Variants in CEP128 observed in about 807,000 individuals in gnomAD.
The protein encoded by CEP128 is centrosomal protein 128.
In CEP128, 132 loss-of-function variants were observed where a neutral mutation model predicts 156.7. That is an observed-to-expected ratio of 0.84 (90% CI 0.73 to 0.97). CEP128 has a LOEUF of 0.97. Ranked by LOEUF, CEP128 falls within the 50% of genes least tolerant of loss-of-function variation. The pLI, the probability that CEP128 is intolerant of heterozygous loss-of-function variation, is 0.00. For missense variants in CEP128, 1,252 were observed against 1,281.9 expected (o/e 0.98, Z 0.36); for synonymous variants, 469 against 448.9 (o/e 1.04, Z -0.57).
chr14:80,502,815 G>A (rs1338938655), intron 24 of CEP128, among the ~76,000 whole-genome samples: 3 of 151,966 alleles, frequency 2.0e-5, no homozygotes, highest in Non-Finnish European at 4.4e-5. Context: ...TTTAAAGGGA[G>A]ATTAAAGAAA....
intron 13 of CEP128, 25 bp from the exon 14 acceptor site, chr14:80,793,135 T>C: frequency 6.4e-7 from 1 of 1,571,488 alleles, no homozygotes; most frequent in Non-Finnish European, 8.7e-7. Flanking sequence ...TGCAAAACAT[T>C]AGGAACAAAT....
At chr14:80,607,495 C>T (rs1892833107) in intron 19 of CEP128, among the ~76,000 whole-genome samples, 1 of 152,176 alleles carries the variant, frequency 6.6e-6, no homozygotes, top group African/African-American at 2.4e-5. Context: ...CAAAGCTGGA[C>T]TGACCATCTA....
At chr14:80,958,815 T>G (rs1031233474) in intron 1 of CEP128, among the ~76,000 whole-genome samples, 2 of 152,216 alleles carry the variant, frequency 1.3e-5, no homozygotes, top group Non-Finnish European at 2.9e-5. Context: ...AGGCATGTTC[T>G]CTCACAAGTT....
At chr14:80,835,000 C>G (rs560135789) in intron 12 of CEP128, among the ~76,000 whole-genome samples, 1 of 152,260 alleles carries the variant, frequency 6.6e-6, no homozygotes, top group East Asian at 1.9e-4. Context: ...CCCTCATGAA[C>G]GGCTTGGTGT....
chr14:80,525,814 G>C (rs949274962), intron 23 of CEP128, among the ~76,000 whole-genome samples: 6 of 152,160 alleles, frequency 3.9e-5, no homozygotes, highest in Admixed American at 2.0e-4. Flanking sequence ...TGCTAAGAAG[G>C]AGTTATGGAA....
At chr14:80,948,053 A>C (rs1886383168) in intron 2 of CEP128, among the ~76,000 whole-genome samples, 1 of 148,740 alleles carries the variant, frequency 6.7e-6, no homozygotes, top group Non-Finnish European at 1.5e-5. Context: ...GAAGACACCA[A>C]GTATGATGTT....
intron 19 of CEP128, among the ~76,000 whole-genome samples, chr14:80,666,626 A>G (rs946047947): frequency 1.3e-5 from 2 of 152,142 alleles, no homozygotes; most frequent in Admixed American, 6.5e-5. Flanking sequence ...AGCCTACTGC[A>G]TAAATAATGG....
chr14:80,870,852 G>C (rs1282938518), intron 8 of CEP128, among the ~76,000 whole-genome samples: 1 of 151,086 alleles, frequency 6.6e-6, no homozygotes, highest in Non-Finnish European at 1.5e-5. Flanking sequence ...AAGCCCTAAA[G>C]AGGCCCCTAA....
downstream of CEP128, among the ~76,000 whole-genome samples, chr14:80,491,596 C>T (rs1887327835): frequency 6.6e-6 from 1 of 152,138 alleles, no homozygotes; most frequent in African/African-American, 2.4e-5. Flanking sequence ...TCTTCACTCA[C>T]AGTGGAATTA....
At chr14:80,678,302 A>C (rs1292718679) in intron 19 of CEP128, among the ~76,000 whole-genome samples, 1 of 151,904 alleles carries the variant, frequency 6.6e-6, no homozygotes, top group Non-Finnish European at 1.5e-5. Flanking sequence ...AATATAAAAG[A>C]TCATCTATCA....
intron 20 of CEP128, among the ~76,000 whole-genome samples, chr14:80,572,092 G>C (rs1891164012): frequency 6.6e-6 from 1 of 152,126 alleles, no homozygotes; most frequent in East Asian, 1.9e-4. Context: ...ATCACCCTTT[G>C]GGCTGATTTA....
intron 19 of CEP128, among the ~76,000 whole-genome samples, chr14:80,671,420 T>C (rs1010381615): frequency 1.3e-5 from 2 of 152,164 alleles, no homozygotes; most frequent in African/African-American, 4.8e-5. Flanking sequence ...TCATCAGTTA[T>C]ACATGTGTCA....
intron 18 of CEP128, among the ~76,000 whole-genome samples, chr14:80,751,275 GA>G (rs1174398154): frequency 1.3e-5 from 2 of 152,184 alleles, no homozygotes; most frequent in African/African-American, 2.4e-5. Flanking sequence ...ACTATAGTTA[GA>G]TTTTTTTTAT....
At chr14:80,565,770 T>C (rs1287101792) in intron 20 of CEP128, among the ~76,000 whole-genome samples, 1 of 152,186 alleles carries the variant, frequency 6.6e-6, no homozygotes, top group Non-Finnish European at 1.5e-5. Flanking sequence ...TTGATTCAGC[T>C]GAGCTAATCA....
chr14:80,957,124 G>A (rs1347441026), intron 2 of CEP128, among the ~76,000 whole-genome samples: 1 of 152,032 alleles, frequency 6.6e-6, no homozygotes, highest in African/African-American at 2.4e-5. Context: ...TGCTGTTACA[G>A]CTGCCCTTGC....
intron 21 of CEP128, among the ~76,000 whole-genome samples, chr14:80,549,441 G>T (rs747215865): frequency 6.6e-6 from 1 of 152,176 alleles, no homozygotes; most frequent in Non-Finnish European, 1.5e-5. Context: ...TTGGTGTAAA[G>T]CCAATTGGAC....
intron 19 of CEP128, among the ~76,000 whole-genome samples, chr14:80,589,334 T>C (rs2140477520): frequency 6.6e-6 from 1 of 152,268 alleles, no homozygotes; most frequent in Admixed American, 6.5e-5. Context: ...TAACACACCT[T>C]AGAACTTTCA....
intron 18 of CEP128, among the ~76,000 whole-genome samples, chr14:80,753,123 G>A (rs1420724986): frequency 6.6e-6 from 1 of 152,106 alleles, no homozygotes; most frequent in Non-Finnish European, 1.5e-5. Flanking sequence ...AGTTAAGGAA[G>A]TGCCTCAACT....
intron 19 of CEP128, among the ~76,000 whole-genome samples, chr14:80,680,535 C>T (rs74537504): frequency 0.011 from 1,690 of 152,216 alleles, 23 homozygotes; most frequent in Non-Finnish European, 0.014. Flanking sequence ...CTGCTCCACA[C>T]GCAGACAAAT....
Sources: allele counts gnomAD v4.1 joint callset (sites outside exome capture counted in the v4.1 genomes callset), GRCh38; gene constraint gnomAD v4.1.1; transcripts MANE v1.5; gene names NCBI Gene and HGNC (gene_info 2026-07-23, HGNC 2026-07-21).